The following HERC1 variants were observed in gnomAD, a reference collection of about 807,000 sequenced individuals.
The protein encoded by HERC1 is probable E3 ubiquitin-protein ligase HERC1.
In HERC1, 160 loss-of-function variants were observed where a neutral mutation model predicts 554.3. The ratio of observed to expected loss-of-function variants is 0.29; its 90% CI spans 0.25 to 0.33. The LOEUF is 0.33. Among genes scored for constraint, HERC1 ranks in the 10% least tolerant of loss-of-function variants. The pLI is 1.00. For synonymous variants in HERC1, 2,175 were observed against 2,131.7 expected (o/e 1.02, Z -0.56); for missense variants, 4,919 against 5,918.5 (o/e 0.83, Z 5.54).
Position 63,758,239 on chromosome 15 carries a change from A to G in HERC1, c.1157T>C (p.Val386Ala). The G allele has an allele frequency of 1.9e-6, 3 of 1,613,888 alleles. No individual in the cohort carries two copies. Among genetic ancestry groups the G allele is most frequent in the Middle Eastern group, 3.3e-4 (2 of 6,062 alleles). ...CAGTATTTTCTCCTGTGTACCTTCT[A>G]CCAACTGATGGCTGCTATTGCTCCC... ...VWGSNSSHQLVEGTQEKILQP... is the reference protein window; with the variant it reads ...VWGSNSSHQLAEGTQEKILQP... The change falls in exon 4 of 78, where the codon GTA (valine) becomes GCA (alanine). Residue 386 changes from valine to alanine, a missense_variant. Transcript: ENST00000443617. This position sits in a 1 kb window ranked among gnomAD's most constrained non-coding sequence, Gnocchi z 4.0.
chr15:63,657,244 GGGTTTTTTGTCTTA>G (rs1382461305), intron 48 of HERC1, among the ~76,000 whole-genome samples: 2 of 150,688 alleles, frequency 1.3e-5, no homozygotes, highest in African/African-American at 4.9e-5. Flanking sequence ...TCTCATTGGT[GGGTTTTTTGTCTTA>G]GGTTTTTTTT....
At chr15:63,817,319 AT>A (rs2077525141) in intron 1 of HERC1, among the ~76,000 whole-genome samples, 1 of 152,186 alleles carries the variant, frequency 6.6e-6, no homozygotes, top group Non-Finnish European at 1.5e-5. Context: ...TGATAATGTT[AT>A]TATGGTTATG....
chr15:63,796,262 A>G (rs1307182083), intron 1 of HERC1, among the ~76,000 whole-genome samples: 2 of 152,252 alleles, frequency 1.3e-5, no homozygotes, highest in Non-Finnish European at 2.9e-5. Flanking sequence ...ATATGCCAAC[A>G]TATTTTCCAA....
chr15:63,686,593 T>C (rs2071776110), intron 33 of HERC1, 58 bp from the exon 34 acceptor site: 1 of 1,442,900 alleles, frequency 6.9e-7, no homozygotes, highest in Non-Finnish European at 9.5e-7. Flanking sequence ...AGATAAGATA[T>C]ATTCTGAGGC....
intron 17 of HERC1, 81 bp from the exon 18 acceptor site, chr15:63,725,594 C>T (rs771411923): frequency 1.2e-5 from 13 of 1,078,226 alleles, no homozygotes; most frequent in Non-Finnish European, 1.8e-5. Flanking sequence ...TCCTACCGTA[C>T]TGCAATAAGA....
chr15:63,630,520 A>G lies in HERC1; in HGVS notation c.12912T>C (p.Leu4304=), dbSNP rs778995168. 1 of 1,614,018 alleles carries G rather than the reference A, an allele frequency of 6.2e-7. No homozygotes were observed. Among genetic ancestry groups the G allele is most frequent in the South Asian group, 1.1e-5 (1 of 91,082 alleles). Reference sequence around the variant, plus strand: ...ACACATCTCCATTTGATGCCAAAGCAAGTGTGTGTTCAGCTCCAACTGCCA... The same window carrying G: ...ACACATCTCCATTTGATGCCAAAGCGAGTGTGTGTTCAGCTCCAACTGCCA... ...EDVAVGAEHT[L]ALASNGDVYA... Residue 4304 remains leucine, a synonymous_variant, in exon 69 of 78, where the codon CTT becomes CTC. Coordinates refer to ENST00000443617, the MANE Select transcript of HERC1 (RefSeq NM_003922.4).
chr15:63,756,345 C>G lies in HERC1; in HGVS notation c.1533+92G>C. On this transcript the variant is annotated intron_variant, in intron 5 of 77. Transcript: ENST00000443617. The surrounding 1 kb of genome is among the most constrained non-coding windows in gnomAD (Gnocchi z 5.0). The stretch of plus-strand genomic sequence containing the variant: ...TTAAGCCAAAGGGTTGAAGGGGCAA[C>G]TGCAGAAAGAACACATCAAAATCTG... The G allele has an allele frequency of 4.7e-6, 5 of 1,067,440 alleles. No individual in the cohort carries two copies. The highest frequency in any genetic ancestry group is 6.9e-6 in the Non-Finnish European group (5 of 721,740). 66.1% of individuals were successfully genotyped at this position (1,067,440 alleles called of 1,614,324 possible).
chr15:63,618,943 A>T (rs1172557802), intron 74 of HERC1, among the ~76,000 whole-genome samples: 1 of 152,204 alleles, frequency 6.6e-6, no homozygotes, highest in East Asian at 1.9e-4. Flanking sequence ...ATCTGCAAAC[A>T]GGGACAATTT....
chr15:63,691,642 GA>G (rs200587720), intron 31 of HERC1, among the ~76,000 whole-genome samples: 8 of 147,774 alleles, frequency 5.4e-5, no homozygotes, highest in Admixed American at 2.0e-4. Context: ...CTTATTAAAG[GA>G]AAAAAAAAGG....
At position 63,628,833 on chromosome 15, in the gene HERC1, A is replaced by G. The variant is rs201503479; in HGVS notation, c.12967-18T>C. On this transcript the variant is annotated intron_variant, in intron 69 of 77. Transcript: ENST00000443617. ...AAGCCGAGCTGGGAATAAATCACAA[A>G]TATACAGACATTCAATTAGAAAGAG... 5.0e-6 allele frequency: 8 copies of G among 1,603,654 alleles called. No homozygotes were observed. Among genetic ancestry groups the G allele is most frequent in the Non-Finnish European group, 6.8e-6 (8 of 1,175,000 alleles).
rs115858521 is a variant in HERC1 at position 63,777,452 on chromosome 15, A to T, written c.-26-1803T>A. On this transcript the variant is annotated intron_variant, in intron 1 of 77. Transcript: ENST00000443617. ...AGCCATATGTAATTTTGCTGTTTTA[A>T]ATTTGGCCAGTTTGATAGCTGTACA... 2.2e-3 allele frequency among the ~76,000 whole-genome samples: 337 copies of T among 152,240 alleles called. 2 individuals carry two copies. The highest frequency in any genetic ancestry group is 7.8e-3 in the African/African-American group (323 of 41,542).
chr15:63,660,023 A>C, intron 46 of HERC1, 87 bp from the exon 47 acceptor site: 1 of 1,107,260 alleles, frequency 9.0e-7, no homozygotes, highest in Non-Finnish European at 1.3e-6. Context: ...AATACATCTA[A>C]AATGCAGATG....
At chr15:63,737,506 C>CTCTCTCTTT (rs2074583271) in intron 12 of HERC1, among the ~76,000 whole-genome samples, 1 of 49,090 alleles carries the variant, frequency 2.0e-5, no homozygotes, top group African/African-American at 6.4e-5. Context: ...ATATATATAT[C>CTCTCTCTTT]TTTTTTCCAG....
At chr15:63,698,631 A>C in intron 26 of HERC1, 97 bp downstream of exon 26, 6 of 1,205,092 alleles carry the variant, frequency 5.0e-6, no homozygotes, top group Non-Finnish European at 6.9e-6. Context: ...AAGGCAAGGA[A>C]TAGAAGAAAA....
chr15:63,790,903 C>G (rs1486469429), intron 1 of HERC1, among the ~76,000 whole-genome samples: 1 of 151,340 alleles, frequency 6.6e-6, no homozygotes, highest in Admixed American at 6.6e-5. Context: ...AGTTATAATC[C>G]CTATCCTATT....
Position 63,648,125 on chromosome 15 carries a change from G to A in HERC1, c.10822C>T (p.Leu3608=), listed in dbSNP as rs1279226009. ...AVGYFDGKLL[L]GTKEPLEKGG... ...TTCTCAAGTGGTTCCTTTGTTCCCAGTAACAGTTTTCCATCAAAATATCCC... is the reference window on the plus strand; with the variant it reads ...TTCTCAAGTGGTTCCTTTGTTCCCAATAACAGTTTTCCATCAAAATATCCC... Residue 3608 remains leucine (L), a synonymous_variant, in exon 55 of 78, where the codon CTG becomes TTG. Coordinates refer to ENST00000443617, the MANE Select transcript of HERC1 (RefSeq NM_003922.4). The A allele has an allele frequency of 6.3e-7, 1 of 1,582,162 alleles. No homozygotes were observed.
At position 63,774,980 on chromosome 15, in the gene HERC1, G is replaced by A. The variant is rs1181241520; in HGVS notation, c.644C>T (p.Pro215Leu). 1.2e-6 allele frequency: 2 copies of A among 1,613,880 alleles called. No individual in the cohort carries two copies. The highest frequency in any genetic ancestry group is 1.3e-5 in the African/African-American group (1 of 74,928). ...CGATAAGCAGTCCAAGCCCATAGGA[G>A]GAATCTTGCTTTCATTTGCTAATGA... Reference protein sequence around the residue: ...PLSLANESKIPPMGLDCLSQV... With the variant: ...PLSLANESKILPMGLDCLSQV... The change falls in exon 2 of 78, where the codon CCT becomes CTT. Residue 215 changes from proline (P) to leucine (L), a missense_variant. Physicochemically the swap from Pro to Leu is moderately conservative, Grantham distance 98. Transcript: ENST00000443617.
intron 39 of HERC1, among the ~76,000 whole-genome samples, chr15:63,671,568 G>A (rs2070926150): frequency 6.6e-6 from 1 of 152,120 alleles, no homozygotes; most frequent in South Asian, 2.1e-4. Context: ...CAAAGTGTAC[G>A]CTGAAGCCAC....
At chr15:63,746,869 A>G in intron 12 of HERC1, 49 bp downstream of exon 12, 1 of 1,481,538 alleles carries the variant, frequency 6.7e-7, no homozygotes, top group Non-Finnish European at 9.2e-7. Flanking sequence ...CTAAAATCTC[A>G]GAGAAAGACG....
Sources: allele counts gnomAD v4.1 joint callset (sites outside exome capture counted in the v4.1 genomes callset), GRCh38; gene constraint gnomAD v4.1.1; non-coding constraint Gnocchi (gnomAD v3.1); transcripts MANE v1.5; gene names NCBI Gene and HGNC (gene_info 2026-07-23, HGNC 2026-07-21).